SPATC1: variants seen among roughly 807,000 people sequenced by gnomAD.
SPATC1 encodes spermatogenesis and centriole associated 1.
SPATC1 carries 35 observed loss-of-function variants against 36.5 expected under a neutral mutation model. That is an observed-to-expected ratio of 0.96 (90% CI 0.73 to 1.27). SPATC1 has a LOEUF of 1.27. Among genes scored for constraint, SPATC1 ranks in the 50% most tolerant of loss-of-function variants. SPATC1 has a pLI of 0.00. For missense variants in SPATC1, 779 were observed against 796.0 expected (o/e 0.98, Z 0.26); for synonymous variants, 361 against 353.6 (o/e 1.02, Z -0.24).
intron 1 of SPATC1, among the ~76,000 whole-genome samples, chr8:144,037,247 C>T (rs1489298860): frequency 6.7e-6 from 1 of 149,458 alleles, no homozygotes; most frequent in Non-Finnish European, 1.5e-5. Flanking sequence ...GTGAGGGGCG[C>T]CTCTGCCCGG....
At chr8:144,012,864 C>T in intron 1 of SPATC1, 138 bp downstream of exon 1, 1 of 873,224 alleles carries the variant, frequency 1.1e-6, no homozygotes, top group South Asian at 1.6e-5. Context: ...ACACACTCAG[C>T]TCACCAGACA....
chr8:144,042,298 TATA>T, intron 4 of SPATC1, among the ~76,000 whole-genome samples: 1 of 59,542 alleles, frequency 1.7e-5, no homozygotes, highest in African/African-American at 1.0e-4. Flanking sequence ...TATATATATA[TATA>T]TATATATATA....
chr8:144,032,958 C>T (rs1294419985), intron 1 of SPATC1, among the ~76,000 whole-genome samples: 1 of 151,682 alleles, frequency 6.6e-6, no homozygotes. Context: ...CACTAAACAA[C>T]GACCAACTAC....
chr8:144,036,926 T>C (rs988407378), intron 1 of SPATC1, among the ~76,000 whole-genome samples: 3 of 151,590 alleles, frequency 2.0e-5, no homozygotes, highest in Non-Finnish European at 4.4e-5. Context: ...ATAGCACCAT[T>C]TGCAAAGAAT....
chr8:144,037,669 T>G (rs534382222), intron 1 of SPATC1, among the ~76,000 whole-genome samples: 1 of 151,810 alleles, frequency 6.6e-6, no homozygotes, highest in Non-Finnish European at 1.5e-5. Flanking sequence ...ACAAACACTG[T>G]GGAAGGCCGC....
intron 1 of SPATC1, among the ~76,000 whole-genome samples, chr8:144,032,337 G>C (rs1241141085): frequency 1.3e-5 from 2 of 152,104 alleles, no homozygotes; most frequent in African/African-American, 4.8e-5. Flanking sequence ...GAGTGCAGTG[G>C]CACGATCTTG....
At chr8:144,039,795 G>A (rs150818969) in intron 1 of SPATC1, 114 bp from the exon 2 acceptor site, 32 of 1,148,248 alleles carry the variant, frequency 2.8e-5, no homozygotes, top group African/African-American at 2.3e-4. Flanking sequence ...TCAGCTCATC[G>A]GGGACAGATG....
In SPATC1 at chr8:144,042,741, G is replaced by A. The variant is rs1835150027; in HGVS notation, c.1446+1370G>A. On this transcript the variant is annotated intron_variant, in intron 4 of 4. Transcript: ENST00000377470. ...ATTGGTGAAGGCCACTGCTAGGCGA[G>A]TGGCCCTGAGCAAGCAGTGTCTTGG... Among the ~76,000 whole-genome samples the A allele has an allele frequency of 2.6e-5, 4 of 152,172 alleles. No individual in the cohort carries two copies. The South Asian group carries it at 8.3e-4, about 31-fold the overall frequency.
chr8:144,023,792 A>G (rs1355864838), intron 1 of SPATC1, among the ~76,000 whole-genome samples: 64 of 310 alleles, frequency 0.21, 31 homozygotes, highest in Admixed American at 0.44. Flanking sequence ...CTTCCCTCAG[A>G]ACCCTCTAGA....
At position 144,046,737 on chromosome 8, in the gene SPATC1, G is replaced by A; in HGVS notation, c.1557G>A (p.Arg519=). The A allele has an allele frequency of 6.2e-7, 1 of 1,612,296 alleles. No homozygotes were observed. Among genetic ancestry groups the A allele is most frequent in the Non-Finnish European group, 8.5e-7 (1 of 1,179,996 alleles). The change falls in exon 5 of 5, where the codon CGG becomes CGA. Residue 519 remains arginine, a synonymous_variant. Transcript: ENST00000377470. This position sits in a 1 kb window ranked among gnomAD's most constrained non-coding sequence, Gnocchi z 6.6. The part of the protein sequence containing the change: ...NRLQSLGYNG[R]VHPALTEQLV... ...TGCAGAGTCTGGGCTACAACGGGCGGGTGCACCCTGCGCTGACCGAGCAGC... is the reference window on the plus strand; with the variant it reads ...TGCAGAGTCTGGGCTACAACGGGCGAGTGCACCCTGCGCTGACCGAGCAGC...
chr8:144,039,582 G>A (rs997430213), intron 1 of SPATC1, among the ~76,000 whole-genome samples: 5 of 152,188 alleles, frequency 3.3e-5, no homozygotes, highest in African/African-American at 7.2e-5. Context: ...AAAGGGCAGC[G>A]GGACGTCCCC....
chr8:144,032,916 A>C (rs1217174324), intron 1 of SPATC1, among the ~76,000 whole-genome samples: 1 of 152,086 alleles, frequency 6.6e-6, no homozygotes, highest in African/African-American at 2.4e-5. Flanking sequence ...ACAACAAAGA[A>C]TACGGTCTTT....
At chr8:144,044,455 C>T (rs1835203789) in intron 4 of SPATC1, among the ~76,000 whole-genome samples, 1 of 150,388 alleles carries the variant, frequency 6.6e-6, no homozygotes, top group African/African-American at 2.5e-5. Flanking sequence ...GCGCCCGCCA[C>T]CACGCCCAGC....
intron 4 of SPATC1, among the ~76,000 whole-genome samples, chr8:144,042,311 A>ATATATATATTTTT (rs1412021347): frequency 4.2e-5 from 1 of 23,884 alleles, no homozygotes; most frequent in African/African-American, 2.4e-4. Flanking sequence ...ATATATATAT[A>ATATATATATTTTT]TTTTTTTTTT....
Position 144,045,224 on chromosome 8 carries a change from C to CA in SPATC1, c.1447-1402dup, listed in dbSNP as rs560049697. On this transcript the variant is annotated intron_variant, in intron 4 of 4. Coordinates refer to ENST00000377470, the MANE Select transcript of SPATC1 (RefSeq NM_198572.3). This position sits in a 1 kb window ranked among gnomAD's most constrained non-coding sequence, Gnocchi z 5.2. Reference sequence around the variant, plus strand: ...ACCTCAATGGTGTCTTCCTGCCCCCCACAACTGTGCATATTACTCGTTTGC... The same window carrying CA: ...ACCTCAATGGTGTCTTCCTGCCCCCCAACAACTGTGCATATTACTCGTTTGC... Among the ~76,000 whole-genome samples, 412 of 152,350 alleles carry CA rather than the reference C, an allele frequency of 2.7e-3. 2 individuals are homozygous for CA. Among genetic ancestry groups the CA allele is most frequent in the African/African-American group, 9.5e-3 (393 of 41,580 alleles).
At chr8:144,039,881 G>A in intron 1 of SPATC1, 28 bp from the exon 2 acceptor site, 1 of 1,597,058 alleles carries the variant, frequency 6.3e-7, no homozygotes. Flanking sequence ...GCTCCCCTGG[G>A]GTCTCAGTGC....
intron 4 of SPATC1, among the ~76,000 whole-genome samples, chr8:144,043,925 G>A (rs1016811164): frequency 3.9e-5 from 6 of 152,112 alleles, no homozygotes; most frequent in East Asian, 1.9e-4. Context: ...GTGTGGACAC[G>A]GTCACGTGTG....
At chr8:144,013,767 C>A (rs1441244778) in intron 1 of SPATC1, among the ~76,000 whole-genome samples, 2 of 152,078 alleles carry the variant, frequency 1.3e-5, no homozygotes, top group Non-Finnish European at 2.9e-5. Flanking sequence ...ATCAACATGG[C>A]CAACATGGCG....
At position 144,045,661 on chromosome 8, in the gene SPATC1, C is replaced by G. The variant is rs1303136430; in HGVS notation, c.1447-966C>G. On this transcript the variant is annotated intron_variant, in intron 4 of 4. Transcript: ENST00000377470. This position sits in a 1 kb window ranked among gnomAD's most constrained non-coding sequence, Gnocchi z 5.2. ...ATAGCCCACCCAACTCCACTTTAGA[C>G]CCGTGGCTCTGTGGGCCTGTGCAGA... Among the ~76,000 whole-genome samples, 2 of 152,234 alleles carry G rather than the reference C, an allele frequency of 1.3e-5. No individual in the cohort carries two copies. The highest frequency in any genetic ancestry group is 6.5e-5 in the Admixed American group (1 of 15,292).
Sources: allele counts gnomAD v4.1 joint callset (sites outside exome capture counted in the v4.1 genomes callset), GRCh38; gene constraint gnomAD v4.1.1; non-coding constraint Gnocchi (gnomAD v3.1); transcripts MANE v1.5; gene names NCBI Gene and HGNC (gene_info 2026-07-23, HGNC 2026-07-21).